The following ZMYM4 variants were observed in gnomAD, a reference collection of about 807,000 sequenced individuals.
The protein encoded by ZMYM4 is zinc finger MYM-type containing 4, also known as zinc finger MYM-type protein 4.
In ZMYM4, 31 loss-of-function variants were observed where a neutral mutation model predicts 183.2. The ratio of observed to expected loss-of-function variants is 0.17; its 90% confidence interval spans 0.13 to 0.23. ZMYM4 has a LOEUF of 0.23. Among genes scored for constraint, ZMYM4 ranks in the 10% least tolerant of loss-of-function variants. The pLI, the probability that ZMYM4 is intolerant of heterozygous loss-of-function variation, is 1.00. For synonymous variants in ZMYM4, 592 were observed against 631.2 expected (o/e 0.94, Z 0.93); for missense variants, 1,273 against 1,840.3 (o/e 0.69, Z 5.64).
intron 1 of ZMYM4, among the ~76,000 whole-genome samples, chr1:35,273,921 C>G (rs568026066): frequency 6.6e-6 from 1 of 152,222 alleles, no homozygotes; most frequent in South Asian, 2.1e-4. Context: ...ATATATAAAT[C>G]TGTGAAAATT....
At chr1:35,298,221 G>A (rs1271953117) in intron 1 of ZMYM4, among the ~76,000 whole-genome samples, 1 of 152,180 alleles carries the variant, frequency 6.6e-6, no homozygotes, top group African/African-American at 2.4e-5. Flanking sequence ...AAAGTCAGTA[G>A]GATGGTGAGT....
At chr1:35,351,530 C>A in intron 2 of ZMYM4, 1 of 1,263,420 alleles carries the variant, frequency 7.9e-7, no homozygotes, top group Non-Finnish European at 1.1e-6. Flanking sequence ...CAAAATATCC[C>A]TTGCTCAGAA....
intron 9 of ZMYM4, among the ~76,000 whole-genome samples, chr1:35,383,228 G>A (rs1036319020): frequency 2.6e-5 from 4 of 152,076 alleles, no homozygotes; most frequent in Non-Finnish European, 5.9e-5. Context: ...AATAGTAAAT[G>A]CTATATATAT....
chr1:35,386,210 C>G, intron 11 of ZMYM4, 21 bp downstream of exon 11: 1 of 1,576,010 alleles, frequency 6.3e-7, no homozygotes, highest in East Asian at 2.2e-5. Context: ...AGGAACCTTC[C>G]TCTTCTTCAG....
chr1:35,396,449 T>G, intron 18 of ZMYM4, 103 bp from the exon 19 acceptor site: 1 of 1,499,480 alleles, frequency 6.7e-7, no homozygotes, highest in East Asian at 2.3e-5. Flanking sequence ...TAGGTTACTC[T>G]TATTTTGAAC....
chr1:35,331,676 A>C (rs1349401788), intron 2 of ZMYM4, among the ~76,000 whole-genome samples: 1 of 151,906 alleles, frequency 6.6e-6, no homozygotes, highest in East Asian at 1.9e-4. Flanking sequence ...AATCCCAGCT[A>C]TCTGGGAGGC....
rs114742379 is a variant in ZMYM4 at position 35,273,307 on chromosome 1, G to A, written c.39+4222G>A. ...TACATACACACACACACACTTTAAA[G>A]TTGGCATATTATTTAATTTTTTTAG... On this transcript the variant is annotated intron_variant, in intron 1 of 29. Coordinates refer to ENST00000314607, the MANE Select transcript of ZMYM4 (RefSeq NM_005095.3). Among the ~76,000 whole-genome samples, 1,243 of 152,140 alleles carry A rather than the reference G, an allele frequency of 8.2e-3. 21 individuals are homozygous for A. Among genetic ancestry groups the A allele is most frequent in the African/African-American group, 0.029 (1,191 of 41,492 alleles).
At chr1:35,387,368 C>A (rs1644600234) in intron 12 of ZMYM4, 86 bp from the exon 13 acceptor site, 1 of 1,568,924 alleles carries the variant, frequency 6.4e-7, no homozygotes, top group African/African-American at 1.4e-5. Flanking sequence ...CAAAATCATA[C>A]CATTTGTTTT....
In ZMYM4 at chr1:35,415,614, C is replaced by A. The variant is rs754558677; in HGVS notation, c.4209C>A (p.Ser1403=). 6.2e-7 allele frequency: 1 copy of A among 1,614,140 alleles called. No individual in the cohort carries two copies. The highest frequency in any genetic ancestry group is 8.5e-7 in the Non-Finnish European group (1 of 1,180,006). ...LKNVTEHLKL[S]FAHVMRRTRT... ...ATGTTACTGAGCACTTGAAGCTTTC[C>A]TTTGCCCATGTGATGAGACGGACCA... Residue 1403 remains serine (S), a synonymous_variant, in exon 28 of 30, where the codon TCC becomes TCA. Coordinates refer to ENST00000314607, the MANE Select transcript of ZMYM4 (RefSeq NM_005095.3).
intron 1 of ZMYM4, among the ~76,000 whole-genome samples, chr1:35,291,634 C>CTTTTT (rs1296107892): frequency 7.7e-6 from 1 of 129,336 alleles, no homozygotes; most frequent in African/African-American, 2.8e-5. Context: ...GTGATTGTTA[C>CTTTTT]TTTTTTTTTT....
At chr1:35,371,573 C>T (rs1471438382) in intron 7 of ZMYM4, among the ~76,000 whole-genome samples, 6 of 152,028 alleles carry the variant, frequency 3.9e-5, no homozygotes, top group Non-Finnish European at 8.8e-5. Context: ...TTGTTAGAAA[C>T]AGTTTAAGTC....
At chr1:35,382,103 C>T (rs984516954) in intron 9 of ZMYM4, among the ~76,000 whole-genome samples, 10 of 150,374 alleles carry the variant, frequency 6.7e-5, no homozygotes, top group African/African-American at 2.2e-4. Flanking sequence ...CAAGATCGTA[C>T]CATTGCACTC....
chr1:35,387,364 C>G (rs1644600036), intron 12 of ZMYM4, 86 bp downstream of exon 12: 3 of 1,572,072 alleles, frequency 1.9e-6, no homozygotes, highest in East Asian at 4.5e-5. Flanking sequence ...CTCTCAAAAT[C>G]ATACCATTTG....
chr1:35,393,923 G>A (rs1447970511), intron 18 of ZMYM4, among the ~76,000 whole-genome samples, 184 bp downstream of exon 18: 1 of 152,038 alleles, frequency 6.6e-6, no homozygotes, highest in Non-Finnish European at 1.5e-5. Context: ...TAACAAGTTG[G>A]GTCAAAGAGA....
chr1:35,402,502 A>C (rs1644926928), intron 23 of ZMYM4, among the ~76,000 whole-genome samples: 1 of 152,056 alleles, frequency 6.6e-6, no homozygotes, highest in South Asian at 2.1e-4. Flanking sequence ...TGGTGGTCCC[A>C]GCTACTTGGA....
intron 26 of ZMYM4, among the ~76,000 whole-genome samples, chr1:35,411,174 ATTTTTCT>A (rs1205300091): frequency 7.0e-4 from 91 of 130,594 alleles, no homozygotes; most frequent in African/African-American, 7.4e-4. Flanking sequence ...GTTATAATCC[ATTTTTCT>A]TTTTTCTTTT....
chr1:35,396,098 G>C (rs1275892902), intron 18 of ZMYM4, among the ~76,000 whole-genome samples: 1 of 151,934 alleles, frequency 6.6e-6, no homozygotes. Flanking sequence ...TTTATTCAGT[G>C]CTGAAATTGT....
intron 1 of ZMYM4, among the ~76,000 whole-genome samples, chr1:35,288,517 C>T (rs1359300890): frequency 3.9e-5 from 6 of 152,200 alleles, no homozygotes; most frequent in African/African-American, 1.4e-4. Context: ...AGGCCCTGCT[C>T]GTGACCCCAC....
rs566439223 is a variant in ZMYM4, at chr1:35,338,690, G to A, written c.85+13285G>A. Among the ~76,000 whole-genome samples the A allele has an allele frequency of 3.3e-5, 5 of 152,230 alleles. No homozygotes were observed. In the South Asian group the frequency reaches 8.3e-4, roughly 25 times the overall value. Reference sequence around the variant, plus strand: ...GAGGATATAACATGAACTTCATTTTGTCTTTAATTTGCATTTCCTTGTTAA... The same window carrying A: ...GAGGATATAACATGAACTTCATTTTATCTTTAATTTGCATTTCCTTGTTAA... On this transcript the variant is annotated intron_variant, in intron 2 of 29. Transcript: ENST00000314607.
Sources: gnomAD v4.1 joint callset for allele counts (sites outside exome capture counted in the v4.1 genomes callset) on GRCh38, gnomAD v4.1.1 for gene constraint, MANE v1.5 for transcripts, NCBI Gene and HGNC (gene_info 2026-07-23, HGNC 2026-07-21) for gene names.